Variants in DCBLD2 observed in about 807,000 individuals in gnomAD.
The protein encoded by DCBLD2 is discoidin, CUB and LCCL domain-containing protein 2.
Under a neutral mutation model 86.8 loss-of-function variants are expected in DCBLD2, and 54 were observed. The ratio of observed to expected loss-of-function variants is 0.62; its 90% confidence interval spans 0.50 to 0.78. DCBLD2 has a LOEUF of 0.78. DCBLD2 is among the 30% of genes least tolerant of loss of function. The pLI is 0.00. For synonymous variants in DCBLD2, 354 were observed against 341.3 expected, an observed-to-expected ratio of 1.04 and a Z score of -0.41; for missense variants, 908 against 954.2, an observed-to-expected ratio of 0.95 and a Z score of 0.64.
At chr3:98,872,974 A>G (rs1478853886) in intron 2 of DCBLD2, among the ~76,000 whole-genome samples, 1 of 152,140 alleles carries the variant, frequency 6.6e-6, no homozygotes, top group Non-Finnish European at 1.5e-5. Flanking sequence ...AAGACACCCA[A>G]AACAAAGTGA....
Position 98,822,264 on chromosome 3 carries a change from T to A in DCBLD2, c.794A>T (p.Tyr265Phe), listed in dbSNP as rs200547215. The A allele has an allele frequency of 6.2e-7, 1 of 1,613,976 alleles. No individual in the cohort carries two copies. The highest frequency in any genetic ancestry group is 2.2e-5 in the East Asian group (1 of 44,878). Reference sequence around the variant, plus strand: ...GACGTTGTTAGCCAAAGAACTTTCATAATAGGGGATACCTTTACTAATTAC... The same window carrying A: ...GACGTTGTTAGCCAAAGAACTTTCAAAATAGGGGATACCTTTACTAATTAC... Reference protein sequence around the residue: ...SVVISKGIPYYESSLANNVTS... With the variant: ...SVVISKGIPYFESSLANNVTS... The change falls in exon 6 of 16, where the codon TAT (tyrosine) becomes TTT (phenylalanine). Residue 265 changes from tyrosine to phenylalanine, a missense_variant. Around this residue, in one of 3 missense-constraint regions of DCBLD2, gnomAD observed 606 missense variants for 678.5 expected, o/e 0.89. Transcript: ENST00000326840.
chr3:98,870,785 GAAAGAAAGAA>G (rs1463772282), intron 2 of DCBLD2, among the ~76,000 whole-genome samples: 1 of 150,538 alleles, frequency 6.6e-6, no homozygotes. Flanking sequence ...AAGAAAGAAA[GAAAGAAAGAA>G]AGAAAGAAAG....
chr3:98,839,163 C>CTT (rs1361731379), intron 3 of DCBLD2, among the ~76,000 whole-genome samples: 1 of 89,494 alleles, frequency 1.1e-5, no homozygotes, highest in Non-Finnish European at 2.4e-5. Flanking sequence ...TTCTTTCTTT[C>CTT]TTTCTTTCCT....
At chr3:98,841,269 C>T (rs1942615295) in intron 3 of DCBLD2, among the ~76,000 whole-genome samples, 1 of 152,140 alleles carries the variant, frequency 6.6e-6, no homozygotes, top group African/African-American at 2.4e-5. Context: ...TGAGGAACGT[C>T]AGGTTTTCTG....
chr3:98,830,122 G>A (rs568724210), intron 3 of DCBLD2, among the ~76,000 whole-genome samples: 1 of 150,662 alleles, frequency 6.6e-6, no homozygotes, highest in South Asian at 2.1e-4. Flanking sequence ...GTTCCTTATT[G>A]ATGTTGGATA....
chr3:98,899,987 G>A (rs1273651297), intron 1 of DCBLD2, among the ~76,000 whole-genome samples: 2 of 152,086 alleles, frequency 1.3e-5, no homozygotes, highest in African/African-American at 4.8e-5. Context: ...TTTAGAAGAC[G>A]ATCTAACTAA....
At chr3:98,862,389 T>C (rs954592044) in intron 2 of DCBLD2, among the ~76,000 whole-genome samples, 1 of 152,200 alleles carries the variant, frequency 6.6e-6, no homozygotes, top group East Asian at 1.9e-4. Context: ...ATCATCCTGA[T>C]ACCAAAGCCT....
In DCBLD2 at chr3:98,835,902, T is replaced by TTTTC. The variant is rs200797899; in HGVS notation, c.572-10540_572-10537dup. Among the ~76,000 whole-genome samples, 223 of 137,696 alleles carry TTTTC rather than the reference T, an allele frequency of 1.6e-3. 1 individual carries two copies. Among genetic ancestry groups the TTTTC allele is most frequent in the South Asian group, 0.011 (45 of 3,930 alleles). The allele number at this position is 137,696 out of a possible 152,430, so 90.3% of individuals were successfully genotyped here. On this transcript the variant is annotated intron_variant, in intron 3 of 15. Coordinates refer to ENST00000326840, the MANE Select transcript of DCBLD2 (RefSeq NM_080927.4). Reference sequence around the variant, plus strand: ...GCTTATATGAGGGGAGGAGATGAATTTTTCTTTCTTTCTTTCTTTCTTCCT... The same window carrying TTTTC: ...GCTTATATGAGGGGAGGAGATGAATTTTTCTTTCTTTCTTTCTTTCTTTCTTCCT...
intron 2 of DCBLD2, among the ~76,000 whole-genome samples, chr3:98,850,317 C>T (rs745362256): frequency 3.3e-5 from 5 of 152,102 alleles, no homozygotes; most frequent in South Asian, 2.1e-4. Flanking sequence ...CTTTTGGGCA[C>T]GATCAATCAA....
intron 7 of DCBLD2, 53 bp downstream of exon 7, chr3:98,820,195 T>C: frequency 2.5e-6 from 3 of 1,193,792 alleles, no homozygotes; most frequent in Non-Finnish European, 3.3e-6. Flanking sequence ...TGCCTAACAG[T>C]GTTCAAAAAA....
Position 98,801,631 on chromosome 3 carries a change from G to A in DCBLD2, c.1689C>T (p.Gly563=), listed in dbSNP as rs1463269433. Reference sequence around the variant, plus strand: ...GGTCCCAGTAAGGTAAGTCATAGGTGCCTTCAGTTTTTTTCTTTCTGGAAA... The same window carrying A: ...GGTCCCAGTAAGGTAAGTCATAGGTACCTTCAGTTTTTTTCTTTCTGGAAA... The part of the protein sequence containing the change: ...HWRNRKKKTE[G]TYDLPYWDRA... Residue 563 remains glycine, a synonymous_variant, in exon 14 of 16, where the codon GGC becomes GGT. Coordinates refer to ENST00000326840, the MANE Select transcript of DCBLD2 (RefSeq NM_080927.4). 1 of 1,608,718 alleles carries A rather than the reference G, an allele frequency of 6.2e-7. No homozygotes were observed. The highest frequency in any genetic ancestry group is 1.1e-5 in the South Asian group (1 of 89,894).
chr3:98,844,343 TTTATTA>T (rs10530611), intron 3 of DCBLD2, among the ~76,000 whole-genome samples: 6 of 145,914 alleles, frequency 4.1e-5, no homozygotes, highest in East Asian at 3.9e-4. Context: ...GTCAGTAGCA[TTTATTA>T]TTATTATTAT....
chr3:98,858,839 G>T (rs1200064748), intron 2 of DCBLD2, among the ~76,000 whole-genome samples: 1 of 152,146 alleles, frequency 6.6e-6, no homozygotes, highest in Non-Finnish European at 1.5e-5. Context: ...TTCCAAGATG[G>T]CCGAATAGGA....
chr3:98,864,716 A>AG (rs1943111002), intron 2 of DCBLD2, among the ~76,000 whole-genome samples: 1 of 151,908 alleles, frequency 6.6e-6, no homozygotes, highest in Non-Finnish European at 1.5e-5. Context: ...GGGTGGGTGG[A>AG]GGGGGGAGAG....
At chr3:98,860,240 A>G in intron 2 of DCBLD2, among the ~76,000 whole-genome samples, 1 of 152,204 alleles carries the variant, frequency 6.6e-6, no homozygotes, top group Non-Finnish European at 1.5e-5. Context: ...GACCAAATCT[A>G]CGTCTGATTG....
At chr3:98,883,539 ATTCT>A (rs1229352116) in intron 1 of DCBLD2, among the ~76,000 whole-genome samples, 4 of 152,172 alleles carry the variant, frequency 2.6e-5, no homozygotes, top group African/African-American at 7.2e-5. Context: ...AAATATTTGC[ATTCT>A]TTATCATAAA....
At chr3:98,826,555 T>A (rs1265072145) in intron 3 of DCBLD2, among the ~76,000 whole-genome samples, 1 of 152,242 alleles carries the variant, frequency 6.6e-6, no homozygotes, top group African/African-American at 2.4e-5. Context: ...TAATGTGTTA[T>A]GTTAATATGT....
At chr3:98,818,056 T>C (rs575373502) in intron 8 of DCBLD2, among the ~76,000 whole-genome samples, 163 bp from the exon 9 acceptor site, 2 of 152,332 alleles carry the variant, frequency 1.3e-5, no homozygotes, top group Admixed American at 1.3e-4. Context: ...ACTAAATCCT[T>C]GGCCTTATTC....
At chr3:98,871,223 A>C (rs564042960) in intron 2 of DCBLD2, among the ~76,000 whole-genome samples, 1 of 152,272 alleles carries the variant, frequency 6.6e-6, no homozygotes, top group Admixed American at 6.5e-5. Context: ...AGATCACATC[A>C]TCAGCAAACA....
Sources: allele counts gnomAD v4.1 joint callset (sites outside exome capture counted in the v4.1 genomes callset), GRCh38; gene constraint gnomAD v4.1.1; regional missense constraint gnomAD v4.1.1; transcripts MANE v1.5; gene names NCBI Gene and HGNC (gene_info 2026-07-23, HGNC 2026-07-21).